USP20: variants seen among roughly 807,000 people sequenced by gnomAD.
USP20 encodes the protein ubiquitin carboxyl-terminal hydrolase 20.
A neutral mutation model predicts 124.2 loss-of-function variants in USP20; 80 were observed. The observed-to-expected ratio is 0.64, with a 90% CI of 0.54 to 0.78. USP20 has a LOEUF of 0.78. Among genes scored for constraint, USP20 ranks in the 30% least tolerant of loss-of-function variants. The pLI is 0.00. For missense variants in USP20, 1,043 were observed against 1,244.4 expected, an observed-to-expected ratio of 0.84 and a Z score of 2.44; for synonymous variants, 481 against 512.3, an observed-to-expected ratio of 0.94 and a Z score of 0.83.
At chr9:129,876,804 C>T (rs985350632) in intron 22 of USP20, among the ~76,000 whole-genome samples, 1 of 152,152 alleles carries the variant, frequency 6.6e-6, no homozygotes, top group Non-Finnish European at 1.5e-5. Flanking sequence ...ATCCCATTCT[C>T]AGCCTTGGCT....
In USP20 at chr9:129,869,393, C is replaced by G; in HGVS notation, c.1360C>G (p.Leu454Val). The G allele has an allele frequency of 6.2e-7, 1 of 1,613,696 alleles. No individual in the cohort carries two copies. The highest frequency in any genetic ancestry group is 1.1e-5 in the South Asian group (1 of 91,086). The change falls in exon 13 of 26, where the codon CTC becomes GTC. Residue 454 changes from leucine (L) to valine (V), a missense_variant. Coordinates refer to ENST00000372429, the MANE Select transcript of USP20 (RefSeq NM_001110303.4). ...VISDIFDGSI[L>V]SLVQCLTCDR... ...CTCAGACATCTTTGACGGCTCCATT[C>G]TCAGCCTTGTGCAGTGTCTCACCTG... is the stretch of plus-strand genomic sequence containing the variant.
chr9:129,869,817 T>C lies in USP20; in HGVS notation c.1538T>C (p.Leu513Pro). ...CGDSYAAQGWLAFIVEYIRRF... is the reference protein window; with the variant it reads ...CGDSYAAQGWPAFIVEYIRRF... ...GACAGCTATGCCGCCCAGGGCTGGC[T>C]GGCCTTCATTGTGGAGTACATCCGA... is the stretch of plus-strand genomic sequence containing the variant. The change falls in exon 14 of 26, where the codon CTG becomes CCG. Residue 513 changes from leucine (L) to proline (P), a missense_variant. By Grantham distance (98) the Leu-to-Pro change is moderately conservative. Coordinates refer to ENST00000372429, the MANE Select transcript of USP20 (RefSeq NM_001110303.4). 3.1e-6 allele frequency: 5 copies of C among 1,613,974 alleles called. No individual in the cohort carries two copies. The highest frequency in any genetic ancestry group is 4.2e-6 in the Non-Finnish European group (5 of 1,180,024).
chr9:129,863,138 C>T (rs4837419), intron 8 of USP20, 48 bp from the exon 9 acceptor site: 1,276,670 of 1,434,532 alleles, frequency 0.89, 569,170 homozygotes, highest in East Asian at 0.97. Context: ...TAAACTGCCG[C>T]ATGCCTCATT....
At chr9:129,863,357 C>T in intron 9 of USP20, 58 bp downstream of exon 9, 1 of 1,370,392 alleles carries the variant, frequency 7.3e-7, no homozygotes, top group South Asian at 1.3e-5. Context: ...TTCCTGTCAG[C>T]ACCCATGATT....
chr9:129,836,699 G>A (rs2031861912), intron 1 of USP20, among the ~76,000 whole-genome samples: 1 of 152,198 alleles, frequency 6.6e-6, no homozygotes, highest in African/African-American at 2.4e-5. Flanking sequence ...GGAAAAAATA[G>A]TAGACTCGGG....
chr9:129,857,486 C>T (rs941913895), intron 4 of USP20, among the ~76,000 whole-genome samples: 7 of 152,148 alleles, frequency 4.6e-5, no homozygotes, highest in African/African-American at 1.2e-4. Flanking sequence ...AAGCACTGAG[C>T]GGGCCTTGGA....
At position 129,880,791 on chromosome 9, in the gene USP20, A is replaced by T. The variant is rs1448977182; in HGVS notation, c.*341A>T. 1.9e-5 allele frequency: 3 copies of T among 159,768 alleles called. No homozygotes were observed. The East Asian group carries it at 5.4e-4, about 29-fold the overall frequency. 9.9% of individuals were successfully genotyped at this position (159,768 alleles called of 1,614,324 possible). A position where few individuals can be genotyped will look rare whatever the true frequency, so the allele number is the denominator to read the frequency against. ...GCTGCGGCCTGGGCCAGAGTCAGGGAGTAGCTGCTGCTTCACGGCGTCTCC... is the reference window on the plus strand; with the variant it reads ...GCTGCGGCCTGGGCCAGAGTCAGGGTGTAGCTGCTGCTTCACGGCGTCTCC... On this transcript the variant is annotated 3_prime_UTR_variant, in exon 26 of 26. Transcript: ENST00000372429.
chr9:129,880,533 C>CCCG lies in USP20; in HGVS notation c.*87_*89dup, dbSNP rs1166464420. On this transcript the variant is annotated 3_prime_UTR_variant, in exon 26 of 26. Transcript: ENST00000372429. Reference sequence around the variant, plus strand: ...AAGAGAGGCCGGGCTGCTGCAGAACCCCGCCGTGTAAAGAGGCAGAAAAGT... The same window carrying CCCG: ...AAGAGAGGCCGGGCTGCTGCAGAACCCCGCCGCCGTGTAAAGAGGCAGAAAAGT... The CCCG allele has an allele frequency of 8.0e-6, 4 of 497,534 alleles. No individual in the cohort carries two copies. The highest frequency in any genetic ancestry group is 7.6e-5 in the African/African-American group (4 of 52,416). The allele number at this position is 497,534 out of a possible 1,614,324, so 30.8% of individuals were successfully genotyped here. A position where few individuals can be genotyped will look rare whatever the true frequency, so the allele number is the denominator to read the frequency against.
chr9:129,873,551 C>T (rs373749413), intron 16 of USP20, 36 bp downstream of exon 16: 63 of 1,613,976 alleles, frequency 3.9e-5, no homozygotes, highest in East Asian at 1.8e-4. Context: ...CCCTAACTGC[C>T]GTTTCTGTGC....
At chr9:129,846,622 C>CT (rs11378286) in intron 1 of USP20, among the ~76,000 whole-genome samples, 17,345 of 132,358 alleles carry the variant, frequency 0.13, 1,282 homozygotes, top group African/African-American at 0.2. Context: ...AAGTTACTGT[C>CT]TTTTTTTTTT....
rs1360808527 is a variant in USP20, at chr9:129,839,009, T to C, written c.-129+3510T>C. 6.6e-6 allele frequency among the ~76,000 whole-genome samples: 1 copy of C among 152,154 alleles called. No homozygotes were observed. Reference sequence around the variant, plus strand: ...AAGAATGACTCAGAAGAGGCTCTTGTGAGGAAGCTTCCTTGGAGTACGCGT... The same window carrying C: ...AAGAATGACTCAGAAGAGGCTCTTGCGAGGAAGCTTCCTTGGAGTACGCGT... On this transcript the variant is annotated intron_variant, in intron 1 of 25. Coordinates refer to ENST00000372429, the MANE Select transcript of USP20 (RefSeq NM_001110303.4). The surrounding 1 kb of genome is among the most constrained non-coding windows in gnomAD (Gnocchi z 4.5).
chr9:129,854,181 A>T (rs1023201019), intron 3 of USP20, among the ~76,000 whole-genome samples: 1 of 152,230 alleles, frequency 6.6e-6, no homozygotes, highest in Non-Finnish European at 1.5e-5. Context: ...TATGGAGAAA[A>T]TGGGCCACTC....
At chr9:129,846,710 T>C (rs975394818) in intron 1 of USP20, among the ~76,000 whole-genome samples, 3 of 148,634 alleles carry the variant, frequency 2.0e-5, no homozygotes, top group Non-Finnish European at 4.5e-5. Context: ...CATTGCAACC[T>C]CTGCCTCCCA....
Position 129,860,955 on chromosome 9 carries a change from C to CA in USP20, c.350dup (p.His117GlnfsTer12). ...AACACAGGACTCCCCGCCACCCTCC[C>CA]ACCCTCTGAAAGCTGTTCCTATTGC... On this transcript the variant is annotated frameshift_variant, in exon 7 of 26. Transcript: ENST00000372429. LOFTEE classifies it high-confidence loss of function. 6.2e-7 allele frequency: 1 copy of CA among 1,613,248 alleles called. No homozygotes were observed. The highest frequency in any genetic ancestry group is 8.5e-7 in the Non-Finnish European group (1 of 1,179,228).
At chr9:129,870,603 G>A in intron 15 of USP20, 56 bp downstream of exon 15, 1 of 1,575,080 alleles carries the variant, frequency 6.3e-7, no homozygotes, top group Non-Finnish European at 8.7e-7. Flanking sequence ...GGACGGGGAT[G>A]TGCAGACCCC....
At chr9:129,878,724 CAG>C (rs966133389) in intron 23 of USP20, among the ~76,000 whole-genome samples, 3 of 152,218 alleles carry the variant, frequency 2.0e-5, no homozygotes, top group African/African-American at 2.4e-5. Context: ...GCCCTTTCCT[CAG>C]GGGAGTGTGT....
chr9:129,870,345 T>C, intron 14 of USP20, 108 bp from the exon 15 acceptor site: 1 of 1,245,198 alleles, frequency 8.0e-7, no homozygotes. Context: ...CTCTGGGCCT[T>C]CAGGGTCCTT....
At chr9:129,856,387 G>A (rs2033219180) in intron 4 of USP20, 27 bp downstream of exon 4, 3 of 1,612,874 alleles carry the variant, frequency 1.9e-6, no homozygotes, top group Middle Eastern at 3.3e-4. Context: ...GCCATCAGGG[G>A]TGTAGAGCTG....
Position 129,881,131 on chromosome 9 carries a change from GC to G in USP20, c.*682del, listed in dbSNP as rs1356933771. ...CCTGCTGAGCCTGCCCCCTGGATTG[GC>G]TGTAATTTGCCTCGAAGTTCAGCAG... On this transcript the variant is annotated 3_prime_UTR_variant, in exon 26 of 26. Transcript: ENST00000372429. The G allele has an allele frequency of 6.6e-6, 1 of 152,238 alleles. No homozygotes were observed. The highest frequency in any genetic ancestry group is 1.5e-5 in the Non-Finnish European group (1 of 68,068). The allele number at this position is 152,238 out of a possible 1,614,324, so 9.4% of individuals were successfully genotyped here.
Sources: allele counts gnomAD v4.1 joint callset (sites outside exome capture counted in the v4.1 genomes callset), GRCh38; gene constraint gnomAD v4.1.1; non-coding constraint Gnocchi (gnomAD v3.1); transcripts MANE v1.5; gene names NCBI Gene and HGNC (gene_info 2026-07-23, HGNC 2026-07-21).